IMMP2L: variants seen among roughly 807,000 people sequenced by gnomAD.
IMMP2L encodes the protein inner mitochondrial membrane peptidase subunit 2.
A neutral mutation model predicts 19.3 loss-of-function variants in IMMP2L; 18 were observed. The ratio of observed to expected loss-of-function variants is 0.93; its 90% CI spans 0.64 to 1.38. The LOEUF (loss-of-function observed/expected upper bound fraction) is 1.38. IMMP2L is among the 40% of genes most tolerant of loss of function. IMMP2L has a pLI of 0.00. For synonymous variants in IMMP2L, 76 were observed against 73.0 expected (o/e 1.04, Z -0.21); for missense variants, 233 against 218.2 (o/e 1.07, Z -0.43).
chr7:111,530,569 A>C (rs1047030870), intron 1 of IMMP2L, among the ~76,000 whole-genome samples: 3 of 152,176 alleles, frequency 2.0e-5, no homozygotes, highest in Non-Finnish European at 2.9e-5. Context: ...AAGCAAAATA[A>C]AAGGAAATAT....
intron 1 of IMMP2L, among the ~76,000 whole-genome samples, chr7:111,554,474 C>A (rs1027721691): frequency 2.0e-5 from 3 of 152,090 alleles, no homozygotes; most frequent in Admixed American, 6.5e-5. Flanking sequence ...CTCACCATGC[C>A]ATATCTCAAG....
chr7:110,689,175 G>A (rs146643854), intron 5 of IMMP2L, among the ~76,000 whole-genome samples: 26 of 152,234 alleles, frequency 1.7e-4, no homozygotes, highest in Admixed American at 5.9e-4. Flanking sequence ...ACTGATGTAT[G>A]CTAAAGCTTG....
intron 3 of IMMP2L, among the ~76,000 whole-genome samples, chr7:111,212,848 G>A (rs1434844530): frequency 6.6e-6 from 1 of 152,176 alleles, no homozygotes; most frequent in Admixed American, 6.5e-5. Context: ...TCTGCCCACT[G>A]CATTTCCCAT....
chr7:111,263,972 T>C (rs993890318), intron 3 of IMMP2L, among the ~76,000 whole-genome samples: 1 of 152,094 alleles, frequency 6.6e-6, no homozygotes, highest in Admixed American at 6.6e-5. Context: ...GCAAAACACA[T>C]CCCCATTTTA....
intron 5 of IMMP2L, among the ~76,000 whole-genome samples, chr7:110,798,580 A>G (rs916295633): frequency 3.3e-5 from 5 of 152,042 alleles, no homozygotes; most frequent in African/African-American, 1.2e-4. Context: ...GTTCTAGAAA[A>G]ACGTTATACC....
At position 111,429,353 on chromosome 7, in the gene IMMP2L, C is replaced by A. The variant is rs567992806; in HGVS notation, c.239+57885G>T. Among the ~76,000 whole-genome samples, 39 of 151,964 alleles carry A rather than the reference C, an allele frequency of 2.6e-4. 1 individual carries two copies. The highest frequency in any genetic ancestry group is 3.4e-3 in the Middle Eastern group (1 of 294). On this transcript the variant is annotated intron_variant, in intron 3 of 5. Transcript: ENST00000405709. The stretch of plus-strand genomic sequence containing the variant: ...TTTTCAAAAACTCTACTTTGCCAGT[C>A]TTTCATCTTTCAGCAGAAGAGGCAA...
chr7:111,541,811 CTTTCT>C (rs1456651559), intron 1 of IMMP2L, among the ~76,000 whole-genome samples: 1 of 152,000 alleles, frequency 6.6e-6, no homozygotes, highest in Non-Finnish European at 1.5e-5. Context: ...CCTAATGTAG[CTTTCT>C]TCTGCAAAAA....
At chr7:111,162,749 T>G (rs866542888) in intron 3 of IMMP2L, among the ~76,000 whole-genome samples, 1 of 151,208 alleles carries the variant, frequency 6.6e-6, no homozygotes, top group Non-Finnish European at 1.5e-5. Flanking sequence ...CTTGTCAGAA[T>G]CCTCTGATCT....
At chr7:110,748,244 G>A (rs542635459) in intron 5 of IMMP2L, among the ~76,000 whole-genome samples, 17 of 152,140 alleles carry the variant, frequency 1.1e-4, no homozygotes, top group African/African-American at 2.9e-4. Context: ...AAAGAAATAA[G>A]AGAGGACACA....
chr7:110,795,022 G>A (rs1351513920), intron 5 of IMMP2L, among the ~76,000 whole-genome samples: 3 of 152,082 alleles, frequency 2.0e-5, no homozygotes, highest in Admixed American at 2.0e-4. Flanking sequence ...TACATGGAGG[G>A]AAACAGATGG....
At chr7:111,241,661 G>A (rs1185842136) in intron 3 of IMMP2L, among the ~76,000 whole-genome samples, 1 of 151,440 alleles carries the variant, frequency 6.6e-6, no homozygotes, top group African/African-American at 2.4e-5. Context: ...CTAGCCAAAT[G>A]TATATTGTGC....
At chr7:111,048,422 G>T (rs1403099779) in intron 3 of IMMP2L, among the ~76,000 whole-genome samples, 1 of 151,976 alleles carries the variant, frequency 6.6e-6, no homozygotes, top group Non-Finnish European at 1.5e-5. Flanking sequence ...AATCCTTCTG[G>T]AACTGATTCA....
chr7:111,201,839 C>T (rs1810173323), intron 3 of IMMP2L, among the ~76,000 whole-genome samples: 1 of 152,154 alleles, frequency 6.6e-6, no homozygotes, highest in Non-Finnish European at 1.5e-5. Context: ...TTGTTTGCCC[C>T]TTCCATCATG....
intron 3 of IMMP2L, among the ~76,000 whole-genome samples, chr7:111,278,203 A>C (rs1411750570): frequency 2.6e-5 from 4 of 152,180 alleles, no homozygotes; most frequent in African/African-American, 9.7e-5. Flanking sequence ...AAAAACTTGC[A>C]CTTGTATCCC....
intron 3 of IMMP2L, among the ~76,000 whole-genome samples, chr7:111,074,010 A>G (rs145110664): frequency 5.6e-4 from 86 of 152,318 alleles, no homozygotes; most frequent in African/African-American, 1.9e-3. Context: ...ATATCTGACC[A>G]TTCAAATGGA....
At chr7:111,323,032 T>A (rs1030737487) in intron 3 of IMMP2L, among the ~76,000 whole-genome samples, 14 of 151,740 alleles carry the variant, frequency 9.2e-5, no homozygotes, top group African/African-American at 3.1e-4. Flanking sequence ...AAACTCTCTT[T>A]CTTCAAAATG....
intron 1 of IMMP2L, among the ~76,000 whole-genome samples, chr7:111,537,518 TC>T (rs1486229573): frequency 6.8e-6 from 1 of 146,844 alleles, no homozygotes; most frequent in Non-Finnish European, 1.5e-5. Flanking sequence ...CCTAGTCTCA[TC>T]ACTTCCACTT....
At chr7:111,086,265 A>G (rs1796321102) in intron 3 of IMMP2L, among the ~76,000 whole-genome samples, 1 of 146,592 alleles carries the variant, frequency 6.8e-6, no homozygotes, top group Admixed American at 6.7e-5. Context: ...GAAAAAAAAA[A>G]GAAAAAAAAA....
intron 5 of IMMP2L, among the ~76,000 whole-genome samples, chr7:110,753,755 T>G (rs1447035920): frequency 2.0e-5 from 3 of 148,788 alleles, no homozygotes; most frequent in East Asian, 2.0e-4. Flanking sequence ...GAGTGTGGGG[T>G]GTGTGTGTGT....
Sources: gnomAD v4.1 joint callset for allele counts (sites outside exome capture counted in the v4.1 genomes callset) on GRCh38, gnomAD v4.1.1 for gene constraint, MANE v1.5 for transcripts, NCBI Gene and HGNC (gene_info 2026-07-23, HGNC 2026-07-21) for gene names.